TCF24: variants seen among roughly 807,000 people sequenced by gnomAD.
The protein encoded by TCF24 is transcription factor 24.
A neutral mutation model predicts 9.3 loss-of-function variants in TCF24; 5 were observed. That is an observed-to-expected ratio of 0.54 (90% CI 0.28 to 1.13). TCF24 has a LOEUF of 1.13. Ranked by LOEUF, TCF24 falls within the 50% of genes most tolerant of loss-of-function variation. TCF24 has a pLI of 0.09. For missense variants in TCF24, 220 were observed against 236.1 expected, an observed-to-expected ratio of 0.93 and a Z score of 0.45; for synonymous variants, 110 against 115.8, an observed-to-expected ratio of 0.95 and a Z score of 0.32.
At chr8:66,957,815 A>T (rs1038098728) in intron 3 of TCF24, among the ~76,000 whole-genome samples, 1 of 151,582 alleles carries the variant, frequency 6.6e-6, no homozygotes, top group Non-Finnish European at 1.5e-5. Context: ...ACTTGAAAGC[A>T]AATAAAATTA....
intron 3 of TCF24, among the ~76,000 whole-genome samples, chr8:66,954,448 C>G (rs555702205): frequency 3.5e-4 from 53 of 151,924 alleles, no homozygotes; most frequent in Admixed American, 4.6e-4. Flanking sequence ...GCAGTCTGCC[C>G]GTTCTCAGAT....
At chr8:66,949,171 G>A (rs935533035) in intron 3 of TCF24, among the ~76,000 whole-genome samples, 4 of 150,774 alleles carry the variant, frequency 2.7e-5, no homozygotes, top group Admixed American at 6.6e-5. Context: ...AGTTACATAC[G>A]TATACATGTG....
At position 66,946,851 on chromosome 8, in the gene TCF24, T is replaced by C. The variant is rs1450469772; in HGVS notation, c.*1200A>G. 1 of 152,204 alleles carries C rather than the reference T, an allele frequency of 6.6e-6. No homozygotes were observed. 9.4% of individuals were successfully genotyped at this position (152,204 alleles called of 1,614,324 possible). A position where few individuals can be genotyped will look rare whatever the true frequency, so the allele number is the denominator to read the frequency against. On this transcript the variant is annotated 3_prime_UTR_variant, in exon 4 of 4. Coordinates refer to ENST00000563496, the MANE Select transcript of TCF24 (RefSeq NM_001193502.2). ...ATGCTTTAAAAACTAGCCAAACTAA[T>C]AAATCTTAAGAATTATTAGCAAGAA...
intron 3 of TCF24, among the ~76,000 whole-genome samples, chr8:66,948,703 CTAT>C (rs1248559929): frequency 1.8e-4 from 24 of 133,184 alleles, no homozygotes; most frequent in East Asian, 6.6e-4. Flanking sequence ...ATCTATCTAT[CTAT>C]TTTTTTTGAG....
rs889339509 is a variant in TCF24 at position 66,947,869 on chromosome 8, G to A, written c.*182C>T. 1 of 491,066 alleles carries A rather than the reference G, an allele frequency of 2.0e-6. No individual in the cohort carries two copies. Among genetic ancestry groups the A allele is most frequent in the Non-Finnish European group, 3.6e-6 (1 of 279,446 alleles). The allele number at this position is 491,066 out of a possible 1,614,324, so 30.4% of individuals were successfully genotyped here. Reference sequence around the variant, plus strand: ...CTCTCACACTGAACAGATAAGCTGTGTGTTTTATATAACACTGATTATTTC... The same window carrying A: ...CTCTCACACTGAACAGATAAGCTGTATGTTTTATATAACACTGATTATTTC... On this transcript the variant is annotated 3_prime_UTR_variant, in exon 4 of 4. Coordinates refer to ENST00000563496, the MANE Select transcript of TCF24 (RefSeq NM_001193502.2).
intron 3 of TCF24, among the ~76,000 whole-genome samples, chr8:66,957,361 GAGCCGAGATC>G (rs1814174333): frequency 1.4e-5 from 2 of 145,018 alleles, no homozygotes; most frequent in Non-Finnish European, 3.0e-5. Context: ...AGGTTGCAGT[GAGCCGAGATC>G]ACACCACTGC....
At chr8:66,958,506 C>T (rs1360944815) in intron 3 of TCF24, among the ~76,000 whole-genome samples, 1 of 152,004 alleles carries the variant, frequency 6.6e-6, no homozygotes, top group Non-Finnish European at 1.5e-5. Flanking sequence ...CTACTAAATA[C>T]AAAAATTAGC....
intron 3 of TCF24, among the ~76,000 whole-genome samples, chr8:66,948,706 T>TC (rs1554536363): frequency 9.9e-5 from 13 of 131,762 alleles, no homozygotes; most frequent in East Asian, 4.2e-4. Context: ...TATCTATCTA[T>TC]TTTTTTTGAG....
intron 3 of TCF24, among the ~76,000 whole-genome samples, chr8:66,953,571 G>T (rs1200406262): frequency 6.7e-6 from 1 of 150,272 alleles, no homozygotes; most frequent in Non-Finnish European, 1.5e-5. Flanking sequence ...ACAATTATGT[G>T]TCTTGGAGTT....
At position 66,948,018 on chromosome 8, in the gene TCF24, C is replaced by T. The variant is rs1025316779; in HGVS notation, c.*33G>A. On this transcript the variant is annotated 3_prime_UTR_variant, in exon 4 of 4. Coordinates refer to ENST00000563496, the MANE Select transcript of TCF24 (RefSeq NM_001193502.2). ...TGTCATAGTATTTAAAAACAATAGC[C>T]ACCACTTCTACCAGCCCCCACCAGG... 2.6e-5 allele frequency: 37 copies of T among 1,413,298 alleles called. No individual in the cohort carries two copies. In the East Asian group the frequency reaches 2.8e-4, roughly 11 times the overall value. 87.5% of individuals were successfully genotyped at this position (1,413,298 alleles called of 1,614,324 possible).
chr8:66,958,535 C>G (rs187895144), intron 3 of TCF24, among the ~76,000 whole-genome samples: 1 of 152,162 alleles, frequency 6.6e-6, no homozygotes, highest in East Asian at 1.9e-4. Flanking sequence ...GTATTGCACG[C>G]CTATAGTCCC....
Position 66,948,028 on chromosome 8 carries a change from A to G in TCF24, c.*23T>C, listed in dbSNP as rs969331731. ...TTTAAAAACAATAGCCACCACTTCTACCAGCCCCCACCAGGGGAGAGCCTA... is the reference window on the plus strand; with the variant it reads ...TTTAAAAACAATAGCCACCACTTCTGCCAGCCCCCACCAGGGGAGAGCCTA... On this transcript the variant is annotated 3_prime_UTR_variant, in exon 4 of 4. Transcript: ENST00000563496. 1.4e-6 allele frequency: 2 copies of G among 1,466,962 alleles called. No individual in the cohort carries two copies. The highest frequency in any genetic ancestry group is 2.6e-5 in the South Asian group (2 of 76,566). The allele number at this position is 1,466,962 out of a possible 1,614,324, so 90.9% of individuals were successfully genotyped here.
intron 3 of TCF24, among the ~76,000 whole-genome samples, chr8:66,956,077 G>A (rs1395389846): frequency 1.3e-5 from 2 of 151,910 alleles, no homozygotes; most frequent in Non-Finnish European, 2.9e-5. Context: ...CTACAGGTGC[G>A]TGCTACCACG....
chr8:66,948,314 CAAG>C, intron 3 of TCF24, 150 bp from the exon 4 acceptor site: 1 of 527,712 alleles, frequency 1.9e-6, no homozygotes, highest in Non-Finnish European at 3.0e-6. Context: ...TAAGAAACAA[CAAG>C]AAAAAATGTT....
Position 66,961,499 on chromosome 8 carries a change from G to T in TCF24, c.267C>A (p.Asp89Glu). ...VPPDTKLSKL[D>E]VLLLATTYIA... Reference sequence around the variant, plus strand: ...TGTAGGTGGTGGCCAGCAGCAGCACGTCCAGCTTGGACAGCTTGGTGTCGG... The same window carrying T: ...TGTAGGTGGTGGCCAGCAGCAGCACTTCCAGCTTGGACAGCTTGGTGTCGG... Residue 89 changes from aspartate (D) to glutamate (E), a missense_variant, in exon 3 of 4, where the codon GAC becomes GAA. Coordinates refer to ENST00000563496, the MANE Select transcript of TCF24 (RefSeq NM_001193502.2). The T allele has an allele frequency of 6.5e-7, 1 of 1,527,076 alleles. No individual in the cohort carries two copies. 94.6% of individuals were successfully genotyped at this position (1,527,076 alleles called of 1,614,324 possible). A position where few individuals can be genotyped will look rare whatever the true frequency, so the allele number is the denominator to read the frequency against.
At chr8:66,948,209 G>T in intron 3 of TCF24, 45 bp from the exon 4 acceptor site, 1 of 1,381,910 alleles carries the variant, frequency 7.2e-7, no homozygotes, top group Non-Finnish European at 9.8e-7. Flanking sequence ...TAGTATCTAT[G>T]ACATATATTA....
chr8:66,959,525 G>C (rs542371550), intron 3 of TCF24, among the ~76,000 whole-genome samples: 1 of 152,268 alleles, frequency 6.6e-6, no homozygotes, highest in South Asian at 2.1e-4. Flanking sequence ...AACTTCCGTA[G>C]CACATAATTA....
Position 66,947,295 on chromosome 8 carries a change from A to C in TCF24, c.*756T>G, listed in dbSNP as rs1813979215. On this transcript the variant is annotated 3_prime_UTR_variant, in exon 4 of 4. Coordinates refer to ENST00000563496, the MANE Select transcript of TCF24 (RefSeq NM_001193502.2). ...CCAGGATTTCAAGAGTAGCCTAGGC[A>C]ACACAGTGAGACTCCATCTCTACAA... 6.6e-6 allele frequency: 1 copy of C among 152,202 alleles called. No individual in the cohort carries two copies. Among genetic ancestry groups the C allele is most frequent in the South Asian group, 2.1e-4 (1 of 4,832 alleles). The allele number at this position is 152,202 out of a possible 1,614,324, so 9.4% of individuals were successfully genotyped here.
chr8:66,960,256 C>A (rs1394938540), intron 3 of TCF24, among the ~76,000 whole-genome samples: 1 of 151,966 alleles, frequency 6.6e-6, no homozygotes, highest in Admixed American at 6.6e-5. Context: ...ATATTGAAAT[C>A]ATTTAAGTCT....
Sources: gnomAD v4.1 joint callset for allele counts (sites outside exome capture counted in the v4.1 genomes callset) on GRCh38, gnomAD v4.1.1 for gene constraint, MANE v1.5 for transcripts, NCBI Gene and HGNC (gene_info 2026-07-23, HGNC 2026-07-21) for gene names.